Variants in OR8J3 observed in about 807,000 individuals in gnomAD.
The protein encoded by OR8J3 is olfactory receptor 8J3.
For synonymous variants in OR8J3, 170 were observed against 142.6 expected, an observed-to-expected ratio of 1.19 and a Z score of -1.37; for missense variants, 418 against 379.8, an observed-to-expected ratio of 1.10 and a Z score of -0.84.
intron 1 of OR8J3, among the ~76,000 whole-genome samples, chr11:56,139,183 A>G (rs1426712551): frequency 6.6e-6 from 1 of 152,184 alleles, no homozygotes; most frequent in East Asian, 1.9e-4. Context: ...GTCTTATCAT[A>G]TAGTTCTTTA....
Position 56,138,466 on chromosome 11 carries a change from G to C in OR8J3, c.-748C>G, listed in dbSNP as rs1204711067. 6.6e-6 allele frequency: 1 copy of C among 152,032 alleles called. No individual in the cohort carries two copies. The highest frequency in any genetic ancestry group is 1.9e-4 in the East Asian group (1 of 5,178). 9.4% of individuals were successfully genotyped at this position (152,032 alleles called of 1,614,324 possible). A position where few individuals can be genotyped will look rare whatever the true frequency, so the allele number is the denominator to read the frequency against. On this transcript the variant is annotated 5_prime_UTR_variant, in exon 2 of 2. Transcript: ENST00000642058. ...GCAGATCATGAGGTCAGGAGATGGA[G>C]ACCACCCTGGCTAACACAGTGAAAC...
Position 56,137,166 on chromosome 11 carries a change from A to G in OR8J3, c.553T>C (p.Leu185=), listed in dbSNP as rs1854339950. ...TAAGTATCAGAGCAAGATAATGCTA[A>G]CAGAGGTGCAATATCACAGTAAAAA... The part of the protein sequence containing the change: ...NHFYCDIAPL[L]ALSCSDTYIP... The change falls in exon 2 of 2, where the codon TTA becomes CTA. Residue 185 remains leucine, a synonymous_variant. Coordinates refer to ENST00000642058, the MANE Select transcript of OR8J3 (RefSeq NM_001004064.2). The G allele has an allele frequency of 6.2e-7, 1 of 1,613,520 alleles. No homozygotes were observed. Among genetic ancestry groups the G allele is most frequent in the African/African-American group, 1.3e-5 (1 of 74,912 alleles).
intron 1 of OR8J3, among the ~76,000 whole-genome samples, chr11:56,139,726 C>T (rs929686032): frequency 6.6e-6 from 1 of 152,182 alleles, no homozygotes; most frequent in South Asian, 2.1e-4. Context: ...AATACTTTTA[C>T]AAGGAAGGCT....
At position 56,138,256 on chromosome 11, in the gene OR8J3, T is replaced by C. The variant is rs1271289299; in HGVS notation, c.-538A>G. 1 of 152,358 alleles carries C rather than the reference T, an allele frequency of 6.6e-6. No individual in the cohort carries two copies. Among genetic ancestry groups the C allele is most frequent in the East Asian group, 1.9e-4 (1 of 5,196 alleles). The allele number at this position is 152,358 out of a possible 1,614,324, so 9.4% of individuals were successfully genotyped here. On this transcript the variant is annotated 5_prime_UTR_variant, in exon 2 of 2. Transcript: ENST00000642058. Reference sequence around the variant, plus strand: ...GAGCTTGCAAATTACAACATGCATGTTTGTTTACTACTTTTTCTCTTTCCA... The same window carrying C: ...GAGCTTGCAAATTACAACATGCATGCTTGTTTACTACTTTTTCTCTTTCCA...
Position 56,136,695 on chromosome 11 carries a change from T to C in OR8J3, c.*76A>G, listed in dbSNP as rs1191749971. The C allele has an allele frequency of 1.3e-6, 1 of 790,208 alleles. No homozygotes were observed. The highest frequency in any genetic ancestry group is 1.8e-5 in the African/African-American group (1 of 57,018). The allele number at this position is 790,208 out of a possible 1,614,324, so 48.9% of individuals were successfully genotyped here. ...TCTTGGTAATTCTTAGGATTGCTTGTAAACTTACTTTTATTTCTCTTACAT... is the reference window on the plus strand; with the variant it reads ...TCTTGGTAATTCTTAGGATTGCTTGCAAACTTACTTTTATTTCTCTTACAT... On this transcript the variant is annotated 3_prime_UTR_variant, in exon 2 of 2. Coordinates refer to ENST00000642058, the MANE Select transcript of OR8J3 (RefSeq NM_001004064.2).
Position 56,134,756 on chromosome 11 carries a change from TC to T in OR8J3, c.*2014del, listed in dbSNP as rs1854314394. ...TAAGCGCTCAGTGTTTTAATATTTT[TC>T]CCTACTTTAGCATCAAAATAAAGTC... On this transcript the variant is annotated 3_prime_UTR_variant, in exon 2 of 2. Transcript: ENST00000642058. 1 of 152,050 alleles carries T rather than the reference TC, an allele frequency of 6.6e-6. No individual in the cohort carries two copies. The highest frequency in any genetic ancestry group is 1.9e-4 in the East Asian group (1 of 5,202). 9.4% of individuals were successfully genotyped at this position (152,050 alleles called of 1,614,324 possible).
chr11:56,140,115 G>A (rs1403783542), intron 1 of OR8J3, 58 bp downstream of exon 1: 1 of 152,222 alleles, frequency 6.6e-6, no homozygotes, highest in Non-Finnish European at 1.5e-5. Flanking sequence ...CATCTTTGGT[G>A]ATAACCTAGT....
rs771550774 is a variant in OR8J3, at chr11:56,136,988, T to C, written c.731A>G (p.His244Arg). 2 of 1,613,408 alleles carry C rather than the reference T, an allele frequency of 1.2e-6. No individual in the cohort carries two copies. Among genetic ancestry groups the C allele is most frequent in the African/African-American group, 1.3e-5 (1 of 74,876 alleles). ...ATAGAAAACCGTGACTGCTATCATA[T>C]GCGAAGCGCAGGTGGAAAAGGCTTT... ...RKKAFSTCAS[H>R]MIAVTVFYGT... The change falls in exon 2 of 2, where the codon CAT becomes CGT. Residue 244 changes from histidine to arginine, a missense_variant. Transcript: ENST00000642058.
Position 56,136,983 on chromosome 11 carries a change from T to C in OR8J3, c.736A>G (p.Ile246Val). ...GTCCCATAGAAAACCGTGACTGCTA[T>C]CATATGCGAAGCGCAGGTGGAAAAG... ...KAFSTCASHMIAVTVFYGTML... is the reference protein window; with the variant it reads ...KAFSTCASHMVAVTVFYGTML... The change falls in exon 2 of 2, where the codon ATA (isoleucine) becomes GTA (valine). Residue 246 changes from isoleucine to valine, a missense_variant. Transcript: ENST00000642058. The C allele has an allele frequency of 6.2e-7, 1 of 1,613,626 alleles. No homozygotes were observed.
In OR8J3 at chr11:56,136,874, A is replaced by C; in HGVS notation, c.845T>G (p.Ile282Ser). The C allele has an allele frequency of 6.2e-7, 1 of 1,614,044 alleles. No homozygotes were observed. Among genetic ancestry groups the C allele is most frequent in the Non-Finnish European group, 8.5e-7 (1 of 1,179,944 alleles). Residue 282 changes from isoleucine (I) to serine (S), a missense_variant, in exon 2 of 2, where the codon ATT becomes AGT. Physicochemically the swap from Ile to Ser is moderately radical, Grantham distance 142 (BLOSUM62 -2). Transcript: ENST00000642058. ...KMASVFYTLV[I>S]PMLNPLIYSL... ...GTAGATCAAGGGATTCAGCATAGGAATCACCAATGTGTAAAACACAGAAGC... is the reference window on the plus strand; with the variant it reads ...GTAGATCAAGGGATTCAGCATAGGACTCACCAATGTGTAAAACACAGAAGC...
At position 56,137,734 on chromosome 11, in the gene OR8J3, T is replaced by C. The variant is rs1428318762; in HGVS notation, c.-16A>G. 6.3e-7 allele frequency: 1 copy of C among 1,577,364 alleles called. No homozygotes were observed. Among genetic ancestry groups the C allele is most frequent in the Non-Finnish European group, 8.6e-7 (1 of 1,162,800 alleles). On this transcript the variant is annotated 5_prime_UTR_variant, in exon 2 of 2. Transcript: ENST00000642058. ...CAGGAGCCATGTCAGAGTTTGGAAATTCATCTGTTTGAGGAAGAAAATAAG... is the reference window on the plus strand; with the variant it reads ...CAGGAGCCATGTCAGAGTTTGGAAACTCATCTGTTTGAGGAAGAAAATAAG...
rs1420611013 is a variant in OR8J3 at position 56,136,588 on chromosome 11, T to C, written c.*183A>G. 3.5e-4 allele frequency: 144 copies of C among 410,884 alleles called. 1 individual carries two copies. The highest frequency in any genetic ancestry group is 7.2e-5 in the Non-Finnish European group (17 of 235,018). The allele number at this position is 410,884 out of a possible 1,614,324, so 25.5% of individuals were successfully genotyped here. On this transcript the variant is annotated 3_prime_UTR_variant, in exon 2 of 2. Transcript: ENST00000642058. ...ATTATTTCTGGGCAAAGTTAATAAA[T>C]AATATTTTTGTTTTGTATTACTCTC...
chr11:56,137,110 T>G lies in OR8J3; in HGVS notation c.609A>C (p.Ala203=), dbSNP rs1565055701. The change falls in exon 2 of 2, where the codon GCA becomes GCC. Residue 203 remains alanine, a synonymous_variant. Coordinates refer to ENST00000642058, the MANE Select transcript of OR8J3 (RefSeq NM_001004064.2). The part of the protein sequence containing the change: ...YIPETIVFIS[A]ATNLVFSMIT... ...TCATGGAAAAAACCAAATTTGTTGC[T>G]GCAGATATAAAGACTATTGTTTCTG... 2.5e-6 allele frequency: 4 copies of G among 1,613,552 alleles called. No homozygotes were observed. The South Asian group carries it at 4.4e-5, about 18-fold the overall frequency.
At position 56,137,771 on chromosome 11, in the gene OR8J3, G is replaced by A. The variant is rs753568566; in HGVS notation, c.-53C>T. ...AGGAAGAAAATAAGTGGTTATAGACGTTAAGGAATCATTTTCTAGGATTTC... is the reference window on the plus strand; with the variant it reads ...AGGAAGAAAATAAGTGGTTATAGACATTAAGGAATCATTTTCTAGGATTTC... On this transcript the variant is annotated 5_prime_UTR_variant, in exon 2 of 2. The change creates a new upstream start codon in the 5' untranslated region. Coordinates refer to ENST00000642058, the MANE Select transcript of OR8J3 (RefSeq NM_001004064.2). 9 of 1,419,708 alleles carry A rather than the reference G, an allele frequency of 6.3e-6. No homozygotes were observed. The highest frequency in any genetic ancestry group is 2.3e-5 in the East Asian group (1 of 43,614). 87.9% of individuals were successfully genotyped at this position (1,419,708 alleles called of 1,614,324 possible).
Position 56,137,529 on chromosome 11 carries a change from TCAGGAAAAAGTA to T in OR8J3, c.178_189del (p.Tyr60_Leu63del), listed in dbSNP as rs1474673852. The stretch of plus-strand genomic sequence containing the variant: ...CCAAGATTGATGATAGCTAGATGTC[TCAGGAAAAAGTA>T]CATGGGGTTTTGAAGTCGAGAGTCA... On this transcript the variant is annotated inframe_deletion, in exon 2 of 2. Coordinates refer to ENST00000642058, the MANE Select transcript of OR8J3 (RefSeq NM_001004064.2). 1.9e-6 allele frequency: 3 copies of T among 1,614,192 alleles called. No individual in the cohort carries two copies. In the South Asian group the frequency reaches 3.3e-5, roughly 18 times the overall value.
At position 56,137,964 on chromosome 11, in the gene OR8J3, G is replaced by A; in HGVS notation, c.-246C>T. On this transcript the variant is annotated 5_prime_UTR_variant, in exon 2 of 2. Coordinates refer to ENST00000642058, the MANE Select transcript of OR8J3 (RefSeq NM_001004064.2). ...TATGGCAAAGTAAATAGTTGTTTCAGCATCCTGCAACACTTTGAGGGTTTA... is the reference window on the plus strand; with the variant it reads ...TATGGCAAAGTAAATAGTTGTTTCAACATCCTGCAACACTTTGAGGGTTTA... The A allele has an allele frequency of 2.1e-6, 1 of 482,116 alleles. No homozygotes were observed. The highest frequency in any genetic ancestry group is 3.7e-6 in the Non-Finnish European group (1 of 273,776). The allele number at this position is 482,116 out of a possible 1,614,324, so 29.9% of individuals were successfully genotyped here.
rs1854328265 is a variant in OR8J3 at position 56,136,153 on chromosome 11, A to G, written c.*618T>C. The G allele has an allele frequency of 6.6e-6, 1 of 152,080 alleles. No individual in the cohort carries two copies. Among genetic ancestry groups the G allele is most frequent in the African/African-American group, 2.4e-5 (1 of 41,450 alleles). 9.4% of individuals were successfully genotyped at this position (152,080 alleles called of 1,614,324 possible). ...GCAAACCCAGTATAAAAGCATATTC[A>G]GTGATAGTAGTCTGAGCATTTTATT... On this transcript the variant is annotated 3_prime_UTR_variant, in exon 2 of 2. Coordinates refer to ENST00000642058, the MANE Select transcript of OR8J3 (RefSeq NM_001004064.2).
At position 56,135,036 on chromosome 11, in the gene OR8J3, A is replaced by G. The variant is rs1396242056; in HGVS notation, c.*1735T>C. The G allele has an allele frequency of 6.6e-6, 1 of 152,010 alleles. No homozygotes were observed. Among genetic ancestry groups the G allele is most frequent in the Non-Finnish European group, 1.5e-5 (1 of 67,876 alleles). The allele number at this position is 152,010 out of a possible 1,614,324, so 9.4% of individuals were successfully genotyped here. A position where few individuals can be genotyped will look rare whatever the true frequency, so the allele number is the denominator to read the frequency against. ...AAAAACCCGACATCAATATATATAG[A>G]TCTGGTAAAATTCATTATATTTCAT... On this transcript the variant is annotated 3_prime_UTR_variant, in exon 2 of 2. Coordinates refer to ENST00000642058, the MANE Select transcript of OR8J3 (RefSeq NM_001004064.2).
Position 56,135,415 on chromosome 11 carries a change from G to A in OR8J3, c.*1356C>T, listed in dbSNP as rs1354678957. On this transcript the variant is annotated 3_prime_UTR_variant, in exon 2 of 2. Coordinates refer to ENST00000642058, the MANE Select transcript of OR8J3 (RefSeq NM_001004064.2). ...TCCTGCCTTTTCATTCTTTCACTAAGTGGAAGAAAGATTGGCGTGAAAAGT... is the reference window on the plus strand; with the variant it reads ...TCCTGCCTTTTCATTCTTTCACTAAATGGAAGAAAGATTGGCGTGAAAAGT... 2 of 151,956 alleles carry A rather than the reference G, an allele frequency of 1.3e-5. No homozygotes were observed. Among genetic ancestry groups the A allele is most frequent in the Non-Finnish European group, 2.9e-5 (2 of 67,866 alleles). The allele number at this position is 151,956 out of a possible 1,614,324, so 9.4% of individuals were successfully genotyped here.
Sources: allele counts gnomAD v4.1 joint callset (sites outside exome capture counted in the v4.1 genomes callset), GRCh38; gene constraint gnomAD v4.1.1; transcripts MANE v1.5; gene names NCBI Gene and HGNC (gene_info 2026-07-23, HGNC 2026-07-21).